SLC25A21: variants seen among roughly 807,000 people sequenced by gnomAD.
SLC25A21 encodes the protein mitochondrial 2-oxodicarboxylate carrier.
In SLC25A21, 47 loss-of-function variants were observed where a neutral mutation model predicts 43.8. The observed-to-expected ratio is 1.07, with a 90% CI of 0.85 to 1.37. SLC25A21 has a LOEUF of 1.37. SLC25A21 is among the 40% of genes most tolerant of loss of function. SLC25A21 has a pLI of 0.00. For missense variants in SLC25A21, 352 were observed against 350.2 expected, an observed-to-expected ratio of 1.00 and a Z score of -0.04; for synonymous variants, 131 against 121.3, an observed-to-expected ratio of 1.08 and a Z score of -0.52.
In SLC25A21 at chr14:36,968,395, T is replaced by C. The variant is rs1240112554; in HGVS notation, c.71-93391A>G. Among the ~76,000 whole-genome samples, 8 of 152,192 alleles carry C rather than the reference T, an allele frequency of 5.3e-5. No homozygotes were observed. The East Asian group carries it at 1.6e-3, about 29-fold the overall frequency. ...GACAAGCCCGGCTTATTATTAAATGTAGTGGAGCAGTGAATTCAATGGTTA... is the reference window on the plus strand; with the variant it reads ...GACAAGCCCGGCTTATTATTAAATGCAGTGGAGCAGTGAATTCAATGGTTA... On this transcript the variant is annotated intron_variant, in intron 1 of 9. Coordinates refer to ENST00000331299, the MANE Select transcript of SLC25A21 (RefSeq NM_030631.4).
At chr14:37,134,424 C>A (rs1963442426) in intron 1 of SLC25A21, among the ~76,000 whole-genome samples, 1 of 152,114 alleles carries the variant, frequency 6.6e-6, no homozygotes. Flanking sequence ...AGTATCCTGA[C>A]ACTCAGTACT....
At chr14:36,889,260 A>G (rs908188577) in intron 1 of SLC25A21, among the ~76,000 whole-genome samples, 7 of 152,362 alleles carry the variant, frequency 4.6e-5, no homozygotes, top group African/African-American at 1.7e-4. Flanking sequence ...GATTTCTACT[A>G]GGTGTGGATT....
intron 1 of SLC25A21, among the ~76,000 whole-genome samples, chr14:36,991,540 G>C (rs952825703): frequency 1.3e-5 from 2 of 152,170 alleles, no homozygotes; most frequent in African/African-American, 4.8e-5. Flanking sequence ...TTTTGAATGT[G>C]TAATTGTATT....
intron 1 of SLC25A21, among the ~76,000 whole-genome samples, chr14:36,921,594 T>A (rs1312593720): frequency 6.6e-6 from 1 of 152,136 alleles, no homozygotes; most frequent in African/African-American, 2.4e-5. Context: ...GTCCATACAG[T>A]ATGATTCCAT....
chr14:36,894,636 T>A (rs1441523190), intron 1 of SLC25A21, among the ~76,000 whole-genome samples: 10 of 152,122 alleles, frequency 6.6e-5, no homozygotes, highest in Admixed American at 6.5e-4. Context: ...AAGGGAATGC[T>A]TCCAGTTTTT....
At chr14:36,828,270 G>C (rs1888909980) in intron 2 of SLC25A21, among the ~76,000 whole-genome samples, 2 of 152,270 alleles carry the variant, frequency 1.3e-5, no homozygotes, top group South Asian at 2.1e-4. Flanking sequence ...TACATCCAGG[G>C]ATACTCCCGG....
At chr14:36,965,559 T>A (rs148209746) in intron 1 of SLC25A21, among the ~76,000 whole-genome samples, 2 of 152,200 alleles carry the variant, frequency 1.3e-5, no homozygotes, top group Non-Finnish European at 2.9e-5. Context: ...TTTTGGCATA[T>A]AAATACACAC....
chr14:36,737,134 G>A (rs1204787289), intron 3 of SLC25A21, among the ~76,000 whole-genome samples: 1 of 152,148 alleles, frequency 6.6e-6, no homozygotes, highest in Non-Finnish European at 1.5e-5. Context: ...AAAAGAACAA[G>A]AAGACATGGG....
At chr14:36,733,602 G>C (rs1884916720) in intron 4 of SLC25A21, among the ~76,000 whole-genome samples, 1 of 152,074 alleles carries the variant, frequency 6.6e-6, no homozygotes, top group Admixed American at 6.5e-5. Flanking sequence ...AAAAGTATAT[G>C]AACTGTTCCT....
At chr14:36,780,738 C>CA (rs1215898453) in intron 3 of SLC25A21, among the ~76,000 whole-genome samples, 19 of 152,106 alleles carry the variant, frequency 1.2e-4, no homozygotes, top group African/African-American at 3.4e-4. Context: ...TGTTTTGTGG[C>CA]ATAATATATA....
intron 1 of SLC25A21, among the ~76,000 whole-genome samples, chr14:36,875,339 T>C (rs1890489257): frequency 6.6e-6 from 1 of 151,940 alleles, no homozygotes; most frequent in East Asian, 1.9e-4. Context: ...AATAAGGATA[T>C]GTGGAAGGAA....
chr14:36,723,005 C>T (rs1029129283), intron 6 of SLC25A21, among the ~76,000 whole-genome samples: 3 of 152,054 alleles, frequency 2.0e-5, no homozygotes, highest in African/African-American at 4.8e-5. Flanking sequence ...ATACACATGC[C>T]GAGGTGAGCA....
At chr14:36,869,351 G>A (rs888676450) in intron 2 of SLC25A21, among the ~76,000 whole-genome samples, 1 of 152,072 alleles carries the variant, frequency 6.6e-6, no homozygotes, top group Non-Finnish European at 1.5e-5. Flanking sequence ...AAACCCACAG[G>A]GACAAAGAGG....
chr14:37,049,466 G>A (rs1320403781), intron 1 of SLC25A21, among the ~76,000 whole-genome samples: 1 of 152,044 alleles, frequency 6.6e-6, no homozygotes, highest in East Asian at 1.9e-4. Context: ...TAGCAATTAG[G>A]GAGGCAGAAG....
At chr14:37,136,795 A>G (rs2138913869) in intron 1 of SLC25A21, among the ~76,000 whole-genome samples, 1 of 152,332 alleles carries the variant, frequency 6.6e-6, no homozygotes, top group East Asian at 1.9e-4. Flanking sequence ...GGTGAAAGAA[A>G]CCAGTCTGGA....
chr14:36,734,811 A>G (rs1884968791), intron 3 of SLC25A21, among the ~76,000 whole-genome samples: 1 of 152,186 alleles, frequency 6.6e-6, no homozygotes, highest in African/African-American at 2.4e-5. Flanking sequence ...AAGCATGACC[A>G]TTAGTTGTAC....
At chr14:36,710,420 A>AAAAG (rs375549833) in intron 7 of SLC25A21, among the ~76,000 whole-genome samples, 2 of 151,764 alleles carry the variant, frequency 1.3e-5, no homozygotes, top group African/African-American at 4.8e-5. Flanking sequence ...ACGGGGAAAA[A>AAAAG]AAAGAAAGAA....
intron 1 of SLC25A21, among the ~76,000 whole-genome samples, chr14:37,003,515 T>C (rs545530226): frequency 6.6e-6 from 1 of 152,298 alleles, no homozygotes; most frequent in African/African-American, 2.4e-5. Flanking sequence ...AGTTAAAAAC[T>C]GAAACTACCC....
chr14:36,870,615 G>A (rs7143033), intron 2 of SLC25A21: 66,973 of 152,056 alleles, frequency 0.44, 16,120 homozygotes, highest in Non-Finnish European at 0.52. Flanking sequence ...TCACATCTGC[G>A]AAGACCCTGC....
Sources: gnomAD v4.1 joint callset for allele counts (sites outside exome capture counted in the v4.1 genomes callset) on GRCh38, gnomAD v4.1.1 for gene constraint, MANE v1.5 for transcripts, NCBI Gene and HGNC (gene_info 2026-07-23, HGNC 2026-07-21) for gene names.